The following BAZ2B variants were observed in gnomAD, a reference collection of about 807,000 sequenced individuals.
BAZ2B encodes the protein bromodomain adjacent to zinc finger domain protein 2B.
BAZ2B carries 91 observed loss-of-function variants against 246.0 expected under a neutral mutation model. That is an observed-to-expected ratio of 0.37 (90% CI 0.31 to 0.44). BAZ2B has a LOEUF of 0.44. Ranked by LOEUF, BAZ2B falls within the 20% of genes least tolerant of loss-of-function variation. The pLI is 1.00. For missense variants in BAZ2B, 2,332 were observed against 2,533.7 expected, an observed-to-expected ratio of 0.92 and a Z score of 1.71; for synonymous variants, 855 against 860.0, an observed-to-expected ratio of 0.99 and a Z score of 0.10.
intron 1 of BAZ2B, among the ~76,000 whole-genome samples, chr2:159,602,546 T>C (rs916912504): frequency 1.3e-5 from 2 of 152,240 alleles, no homozygotes; most frequent in Admixed American, 6.5e-5. Context: ...ATCTATAGTA[T>C]GGTTATGATG....
the BAZ2B span, chr2:159,689,208 C>G: frequency 3.3e-4 from 150 of 459,828 alleles, no homozygotes; most frequent in Non-Finnish European, 5.5e-4. Flanking sequence ...TATTATAAGT[C>G]TGAACTTTAA....
At chr2:159,390,421 A>AC (rs2063190026) in intron 20 of BAZ2B, among the ~76,000 whole-genome samples, 1 of 151,892 alleles carries the variant, frequency 6.6e-6, no homozygotes, top group Non-Finnish European at 1.5e-5. Flanking sequence ...CAAGATCTTC[A>AC]TTTTTCCCAT....
chr2:159,398,940 C>T (rs1054351181), intron 17 of BAZ2B, 46 bp from the exon 18 acceptor site: 1 of 1,548,948 alleles, frequency 6.5e-7, no homozygotes, highest in African/African-American at 1.4e-5. Context: ...AGCACCACTA[C>T]AACTTGCAAA....
intron 1 of BAZ2B, among the ~76,000 whole-genome samples, chr2:159,599,451 T>G (rs1691554344): frequency 6.6e-6 from 1 of 151,506 alleles, no homozygotes. Context: ...AAACCCCGTC[T>G]CTACTAAAAA....
At chr2:159,361,295 T>C (rs2059663791) in intron 27 of BAZ2B, among the ~76,000 whole-genome samples, 2 of 152,160 alleles carry the variant, frequency 1.3e-5, no homozygotes, top group African/African-American at 4.8e-5. Context: ...GTGAAGGATA[T>C]GAATAGACAC....
the BAZ2B span, among the ~76,000 whole-genome samples, chr2:159,678,700 G>T: frequency 6.6e-6 from 1 of 152,022 alleles, no homozygotes; most frequent in Non-Finnish European, 1.5e-5. Context: ...CTGATCTGAT[G>T]GTGGGGGAGG....
intron 10 of BAZ2B, among the ~76,000 whole-genome samples, chr2:159,430,130 C>T (rs2070801471): frequency 6.6e-6 from 1 of 152,050 alleles, no homozygotes; most frequent in African/African-American, 2.4e-5. Flanking sequence ...ACCAAGTGAG[C>T]TTTTTTATAA....
the BAZ2B span, among the ~76,000 whole-genome samples, chr2:159,628,518 C>T: frequency 6.6e-6 from 1 of 152,284 alleles, no homozygotes; most frequent in East Asian, 1.9e-4. Flanking sequence ...TAACACCACA[C>T]ATCTACAACC....
intron 27 of BAZ2B, among the ~76,000 whole-genome samples, chr2:159,360,648 C>A (rs1273673000): frequency 6.6e-6 from 1 of 152,092 alleles, no homozygotes; most frequent in Non-Finnish European, 1.5e-5. Context: ...GCCAAGACAA[C>A]CCTAAGCAGA....
At chr2:159,619,661 C>G (rs1376818269), upstream of BAZ2B, among the ~76,000 whole-genome samples, 2 of 151,200 alleles carry the variant, frequency 1.3e-5, no homozygotes, top group African/African-American at 2.4e-5. Context: ...ACTGATTCTT[C>G]TTAAAAAAAA....
the BAZ2B span, among the ~76,000 whole-genome samples, chr2:159,649,870 TGAA>T: frequency 8.7e-4 from 132 of 152,330 alleles, no homozygotes; most frequent in Non-Finnish European, 1.5e-3. Context: ...CTGTTATTTA[TGAA>T]GGTGTCCCAC....
intron 2 of BAZ2B, among the ~76,000 whole-genome samples, chr2:159,528,347 G>C (rs996012014): frequency 2.0e-4 from 30 of 151,974 alleles, no homozygotes; most frequent in African/African-American, 6.8e-4. Flanking sequence ...AAATATTTAG[G>C]GGGAAAAAAA....
At chr2:159,604,118 G>GT (rs1692830716) in intron 1 of BAZ2B, among the ~76,000 whole-genome samples, 1 of 152,126 alleles carries the variant, frequency 6.6e-6, no homozygotes, top group Non-Finnish European at 1.5e-5. Context: ...ATGATTAACT[G>GT]TAAGAAGGAA....
intron 2 of BAZ2B, among the ~76,000 whole-genome samples, chr2:159,550,847 T>G (rs969385763): frequency 6.6e-6 from 1 of 151,396 alleles, no homozygotes; most frequent in African/African-American, 2.4e-5. Flanking sequence ...GAAAAAAAAA[T>G]TTTTTTGAGG....
intron 1 of BAZ2B, among the ~76,000 whole-genome samples, chr2:159,577,545 A>G (rs1190181444): frequency 6.6e-6 from 1 of 152,208 alleles, no homozygotes; most frequent in African/African-American, 2.4e-5. Context: ...TTCTTGGTCC[A>G]ATGATTGTTT....
downstream of BAZ2B, among the ~76,000 whole-genome samples, chr2:159,316,257 A>C (rs77484748): frequency 0.038 from 5,819 of 152,264 alleles, 198 homozygotes; most frequent in East Asian, 0.13. Context: ...CAATTATTTG[A>C]GGTTTAAAAA....
intron 27 of BAZ2B, among the ~76,000 whole-genome samples, chr2:159,352,304 A>G (rs1031496176): frequency 2.6e-5 from 4 of 151,794 alleles, no homozygotes; most frequent in Non-Finnish European, 5.9e-5. Context: ...CCTTACGGAG[A>G]TTTTCTCTGA....
intron 3 of BAZ2B, among the ~76,000 whole-genome samples, chr2:159,473,927 T>C (rs773973387): frequency 7.7e-4 from 117 of 152,152 alleles, no homozygotes; most frequent in Non-Finnish European, 1.4e-3. Context: ...TCTGAGAGAC[T>C]GTTTGTTATG....
intron 3 of BAZ2B, among the ~76,000 whole-genome samples, chr2:159,468,787 G>A (rs1177642965): frequency 6.6e-6 from 1 of 152,210 alleles, no homozygotes; most frequent in African/African-American, 2.4e-5. Flanking sequence ...GCTAACGCCT[G>A]TAATCCCAAC....
Sources: allele counts gnomAD v4.1 joint callset (sites outside exome capture counted in the v4.1 genomes callset), GRCh38; gene constraint gnomAD v4.1.1; transcripts MANE v1.5; gene names NCBI Gene and HGNC (gene_info 2026-07-23, HGNC 2026-07-21).